KIFC1: variants seen among roughly 807,000 people sequenced by gnomAD.
KIFC1 encodes the protein kinesin family member C1.
A neutral mutation model predicts 66.6 loss-of-function variants in KIFC1; 37 were observed. The observed-to-expected ratio is 0.56, with a 90% CI of 0.43 to 0.73. The LOEUF (loss-of-function observed/expected upper bound fraction) is 0.73, where lower values mean the gene tolerates loss of function less well. Ranked by LOEUF, KIFC1 falls within the 30% of genes least tolerant of loss-of-function variation. The pLI is 0.00. For missense variants in KIFC1, 721 were observed against 859.8 expected, an observed-to-expected ratio of 0.84 and a Z score of 2.02; for synonymous variants, 325 against 343.5, an observed-to-expected ratio of 0.95 and a Z score of 0.60.
At position 33,405,699 on chromosome 6, in the gene KIFC1, A is replaced by T; in HGVS notation, c.1536+68A>T. 7.3e-7 allele frequency: 1 copy of T among 1,378,052 alleles called. No homozygotes were observed. Among genetic ancestry groups the T allele is most frequent in the Non-Finnish European group, 9.6e-7 (1 of 1,046,508 alleles). 85.4% of individuals were successfully genotyped at this position (1,378,052 alleles called of 1,614,324 possible). ...GGGCAGGGTGCCACGAGATGGAGGT[A>T]GAGGGAGAAAGGAGCAAGAGAGAAT... On this transcript the variant is annotated intron_variant, in intron 7 of 10. Coordinates refer to ENST00000428849, the MANE Select transcript of KIFC1 (RefSeq NM_002263.4). The surrounding 1 kb of genome is among the most constrained non-coding windows in gnomAD (Gnocchi z 5.4).
intron 1 of KIFC1, among the ~76,000 whole-genome samples, chr6:33,392,676 C>T (rs1774848258): frequency 3.0e-5 from 1 of 33,494 alleles, no homozygotes; most frequent in African/African-American, 1.9e-4. Flanking sequence ...ATCTCTGGTG[C>T]CAGGAAAGGT....
In KIFC1 at chr6:33,401,173, C is replaced by T. The variant is rs1014714316; in HGVS notation, c.251-2141C>T. On this transcript the variant is annotated intron_variant, in intron 3 of 10. Coordinates refer to ENST00000428849, the MANE Select transcript of KIFC1 (RefSeq NM_002263.4). The surrounding 1 kb of genome is among the most constrained non-coding windows in gnomAD (Gnocchi z 4.5). Reference sequence around the variant, plus strand: ...TTTTTGAGACAGAGTCTCGCTCTTTCGCCCAGGCTGGAGTGCAATGGCGTG... The same window carrying T: ...TTTTTGAGACAGAGTCTCGCTCTTTTGCCCAGGCTGGAGTGCAATGGCGTG... Among the ~76,000 whole-genome samples, 13 of 152,218 alleles carry T rather than the reference C, an allele frequency of 8.5e-5. No individual in the cohort carries two copies. The highest frequency in any genetic ancestry group is 3.9e-4 in the East Asian group (2 of 5,174).
At position 33,409,392 on chromosome 6, in the gene KIFC1, G is replaced by C. The variant is rs557993023; in HGVS notation, c.1978-254G>C. Among the ~76,000 whole-genome samples the C allele has an allele frequency of 2.7e-4, 41 of 152,226 alleles. No homozygotes were observed. The Middle Eastern group carries it at 0.01, about 38-fold the overall frequency. ...AGGTCTCTAGTACAGGGTATTGCTG[G>C]AAATGAAAGCCTCCTTTCTCTGCTC... On this transcript the variant is annotated intron_variant, in intron 10 of 10. Transcript: ENST00000428849.
rs765362786 is a variant in KIFC1 at position 33,406,502 on chromosome 6, G to C, written c.1827+16G>C. 2 of 1,604,704 alleles carry C rather than the reference G, an allele frequency of 1.2e-6. No homozygotes were observed. The highest frequency in any genetic ancestry group is 1.7e-6 in the Non-Finnish European group (2 of 1,174,174). ...GAGCAACAAGGTGGGAATGGGAGTG[G>C]GGTGAGATACGGGACCTGGGGGACA... is the stretch of plus-strand genomic sequence containing the variant. On this transcript the variant is annotated intron_variant, in intron 8 of 10. Coordinates refer to ENST00000428849, the MANE Select transcript of KIFC1 (RefSeq NM_002263.4). This position sits in a 1 kb window ranked among gnomAD's most constrained non-coding sequence, Gnocchi z 4.5.
In KIFC1 at chr6:33,400,309, T is replaced by C; in HGVS notation, c.250+1922T>C. 1 of 1,580,904 alleles carries C rather than the reference T, an allele frequency of 6.3e-7. No individual in the cohort carries two copies. The highest frequency in any genetic ancestry group is 8.6e-7 in the Non-Finnish European group (1 of 1,164,076). ...GTCTCTTGGTGGTTTCTTGAGGGCT[T>C]TGATGATCGGGGCAGAGGCAGAAGG... On this transcript the variant is annotated intron_variant, in intron 3 of 10. Transcript: ENST00000428849. The surrounding 1 kb of genome is among the most constrained non-coding windows in gnomAD (Gnocchi z 4.3).
rs1009446012 is a variant in KIFC1, at chr6:33,393,430, T to C, written c.12+1433T>C. 5.3e-5 allele frequency among the ~76,000 whole-genome samples: 7 copies of C among 133,312 alleles called. No individual in the cohort carries two copies. In the East Asian group the frequency reaches 7.0e-4, roughly 13 times the overall value. 87.5% of individuals were successfully genotyped at this position (133,312 alleles called of 152,430 possible). A position where few individuals can be genotyped will look rare whatever the true frequency, so the allele number is the denominator to read the frequency against. Reference sequence around the variant, plus strand: ...CCAGATTTTCGTAACCATAGCACCATTGCCTTTTTTTTTTTTTTTTTTTTT... The same window carrying C: ...CCAGATTTTCGTAACCATAGCACCACTGCCTTTTTTTTTTTTTTTTTTTTT... On this transcript the variant is annotated intron_variant, in intron 1 of 10. Coordinates refer to ENST00000428849, the MANE Select transcript of KIFC1 (RefSeq NM_002263.4).
rs1435575445 is a variant in KIFC1, at chr6:33,405,085, C to G, written c.990C>G (p.Gly330=). ...CGGGGGAGCCCACTCCACCCCCTGG[C>G]CTCCTCCTGTTTCCCTCTGGCCCTG... is the stretch of plus-strand genomic sequence containing the variant. ...VLPGEPTPPP[G]LLLFPSGPGG... The change falls in exon 7 of 11, where the codon GGC becomes GGG. Residue 330 remains glycine, a synonymous_variant. Coordinates refer to ENST00000428849, the MANE Select transcript of KIFC1 (RefSeq NM_002263.4). This position sits in a 1 kb window ranked among gnomAD's most constrained non-coding sequence, Gnocchi z 5.4. 6.2e-7 allele frequency: 1 copy of G among 1,614,128 alleles called. No individual in the cohort carries two copies. Among genetic ancestry groups the G allele is most frequent in the South Asian group, 1.1e-5 (1 of 91,088 alleles).
chr6:33,396,884 G>A (rs1410149802), intron 1 of KIFC1, among the ~76,000 whole-genome samples: 8 of 151,646 alleles, frequency 5.3e-5, no homozygotes, highest in South Asian at 2.1e-4. Flanking sequence ...GGATTTCACC[G>A]TGTTAGCTAG....
At chr6:33,396,136 T>C (rs958971809) in intron 1 of KIFC1, among the ~76,000 whole-genome samples, 10 of 152,224 alleles carry the variant, frequency 6.6e-5, no homozygotes, top group Non-Finnish European at 1.2e-4. Flanking sequence ...TGTTTCATGA[T>C]TTTTAAAAAT....
In KIFC1 at chr6:33,401,117, T is replaced by C. The variant is rs565152016; in HGVS notation, c.251-2197T>C. On this transcript the variant is annotated intron_variant, in intron 3 of 10. Transcript: ENST00000428849. This position sits in a 1 kb window ranked among gnomAD's most constrained non-coding sequence, Gnocchi z 4.5. ...CAATATGAATCTCTGTCTCCTGGCT[T>C]GAAAATAAAATTTTTGTTTTTTGTT... Among the ~76,000 whole-genome samples the C allele has an allele frequency of 6.6e-6, 1 of 152,090 alleles. No individual in the cohort carries two copies. Among genetic ancestry groups the C allele is most frequent in the African/African-American group, 2.4e-5 (1 of 41,398 alleles).
Position 33,406,746 on chromosome 6 carries a change from G to C in KIFC1, c.1902-54G>C, listed in dbSNP as rs916873029. 1.2e-6 allele frequency: 2 copies of C among 1,612,008 alleles called. No individual in the cohort carries two copies. Among genetic ancestry groups the C allele is most frequent in the Non-Finnish European group, 1.7e-6 (2 of 1,178,128 alleles). ...GTAGAAAGGGGAACAGTGGAGACCT[G>C]TCCAGGCTCTGCTGGCCCCTAATGC... On this transcript the variant is annotated intron_variant, in intron 9 of 10. Transcript: ENST00000428849. The surrounding 1 kb of genome is among the most constrained non-coding windows in gnomAD (Gnocchi z 4.5).
rs1307603438 is a variant in KIFC1 at position 33,403,909 on chromosome 6, AG to A, written c.538del (p.Ala180ProfsTer13). ...CTCAGAGATGCCCAGCAGCAGGTCA[AG>A]GCCCTGGGGACAGAGCGCACAACAC... is the stretch of plus-strand genomic sequence containing the variant. ...DQLRDAQQQV[K>X]ALGTERTTLE... On this transcript the variant is annotated frameshift_variant, in exon 6 of 11. Transcript: ENST00000428849. LOFTEE classifies it high-confidence loss of function. This position sits in a 1 kb window ranked among gnomAD's most constrained non-coding sequence, Gnocchi z 4.6. The A allele has an allele frequency of 6.2e-7, 1 of 1,614,134 alleles. No homozygotes were observed. The highest frequency in any genetic ancestry group is 1.7e-5 in the Admixed American group (1 of 60,010).
intron 1 of KIFC1, among the ~76,000 whole-genome samples, chr6:33,392,513 C>T (rs927358908): frequency 1.3e-5 from 2 of 152,210 alleles, no homozygotes; most frequent in Non-Finnish European, 2.9e-5. Context: ...CTCATTCTCT[C>T]TCTCCTTTCC....
rs767523980 is a variant in KIFC1 at position 33,406,396 on chromosome 6, C to T, written c.1737C>T (p.Gly579=). The part of the protein sequence containing the change: ...SERLDPGLAL[G]PGERERLRET... ...GACTTGACCCCGGCTTAGCCCTCGG[C>T]CCCGGGGAGCGGGAACGCCTTCGGG... Residue 579 remains glycine, a synonymous_variant, in exon 8 of 11, where the codon GGC becomes GGT. Coordinates refer to ENST00000428849, the MANE Select transcript of KIFC1 (RefSeq NM_002263.4). The surrounding 1 kb of genome is among the most constrained non-coding windows in gnomAD (Gnocchi z 4.5). The T allele has an allele frequency of 3.1e-6, 5 of 1,610,984 alleles. No homozygotes were observed. Among genetic ancestry groups the T allele is most frequent in the Admixed American group, 3.3e-5 (2 of 59,822 alleles).
At chr6:33,392,938 G>A (rs115873552) in intron 1 of KIFC1, among the ~76,000 whole-genome samples, 1,767 of 152,274 alleles carry the variant, frequency 0.012, 21 homozygotes, top group Middle Eastern at 0.02. Context: ...TCGTGGAGCT[G>A]CCATTCTATG....
At chr6:33,392,430 C>T (rs576010414) in intron 1 of KIFC1, among the ~76,000 whole-genome samples, 1 of 152,222 alleles carries the variant, frequency 6.6e-6, no homozygotes, top group South Asian at 2.1e-4. Flanking sequence ...TGTTAATCGC[C>T]TCTCCTTATC....
In KIFC1 at chr6:33,400,002, C is replaced by CT. The variant is rs1018184373; in HGVS notation, c.250+1625dup. ...ATGTAACATTTTAATCTTTTTTTAACTTTTTTTTTTCGACCAGTTGTCAAA... is the reference window on the plus strand; with the variant it reads ...ATGTAACATTTTAATCTTTTTTTAACTTTTTTTTTTTCGACCAGTTGTCAAA... On this transcript the variant is annotated intron_variant, in intron 3 of 10. Coordinates refer to ENST00000428849, the MANE Select transcript of KIFC1 (RefSeq NM_002263.4). The surrounding 1 kb of genome is among the most constrained non-coding windows in gnomAD (Gnocchi z 4.3). 3,942 of 538,376 alleles carry CT rather than the reference C, an allele frequency of 7.3e-3. No individual in the cohort carries two copies. The highest frequency in any genetic ancestry group is 0.013 in the South Asian group (569 of 44,078). The allele number at this position is 538,376 out of a possible 1,614,324, so 33.3% of individuals were successfully genotyped here. A position where few individuals can be genotyped will look rare whatever the true frequency, so the allele number is the denominator to read the frequency against.
Position 33,403,636 on chromosome 6 carries a change from T to C in KIFC1, c.356-93T>C, listed in dbSNP as rs1775487735. The C allele has an allele frequency of 6.4e-7, 1 of 1,572,294 alleles. No homozygotes were observed. Among genetic ancestry groups the C allele is most frequent in the African/African-American group, 1.4e-5 (1 of 73,980 alleles). The stretch of plus-strand genomic sequence containing the variant: ...TTTGGTCTCTAAGGGGAAGGAGATG[T>C]AGCATCAGGTGTGGATCCCATAAAG... On this transcript the variant is annotated intron_variant, in intron 5 of 10. Coordinates refer to ENST00000428849, the MANE Select transcript of KIFC1 (RefSeq NM_002263.4). This position sits in a 1 kb window ranked among gnomAD's most constrained non-coding sequence, Gnocchi z 4.6.
chr6:33,399,770 G>A (rs1226474141), intron 3 of KIFC1, among the ~76,000 whole-genome samples: 2 of 152,258 alleles, frequency 1.3e-5, no homozygotes, highest in African/African-American at 2.4e-5. Flanking sequence ...TTGAATGGAA[G>A]TTGCTCTGGG....
Sources: allele counts gnomAD v4.1 joint callset (sites outside exome capture counted in the v4.1 genomes callset), GRCh38; gene constraint gnomAD v4.1.1; non-coding constraint Gnocchi (gnomAD v3.1); transcripts MANE v1.5; gene names NCBI Gene and HGNC (gene_info 2026-07-23, HGNC 2026-07-21).